The following GRIN3A variants were observed in gnomAD, a reference collection of about 807,000 sequenced individuals.
GRIN3A encodes glutamate ionotropic receptor NMDA type subunit 3A.
GRIN3A carries 47 observed loss-of-function variants against 92.4 expected under a neutral mutation model. The ratio of observed to expected loss-of-function variants is 0.51; its 90% CI spans 0.40 to 0.65. The LOEUF (loss-of-function observed/expected upper bound fraction) is 0.65. Ranked by LOEUF, GRIN3A falls within the 30% of genes least tolerant of loss-of-function variation. The probability of loss-of-function intolerance (pLI) is 0.00; values close to 1 mark genes in which losing one functional copy is unlikely to be tolerated. For missense variants in GRIN3A, 1,324 were observed against 1,393.1 expected (o/e 0.95, Z 0.79); for synonymous variants, 527 against 540.6 (o/e 0.97, Z 0.35).
At chr9:101,606,242 C>T (rs1828279906) in intron 6 of GRIN3A, among the ~76,000 whole-genome samples, 1 of 152,232 alleles carries the variant, frequency 6.6e-6, no homozygotes, top group Admixed American at 6.5e-5. Flanking sequence ...GGACATTCTT[C>T]TGCCCTTCCA....
chr9:101,592,201 A>G (rs1433841436), intron 6 of GRIN3A: 1 of 152,172 alleles, frequency 6.6e-6, no homozygotes, highest in Non-Finnish European at 1.5e-5. Flanking sequence ...AATTGTTCCC[A>G]TTGTTTTCTC....
rs540493017 is a variant in GRIN3A at position 101,658,760 on chromosome 9, G to GTCTGTCTATCTATCTA, written c.2352+11299_2352+11300insTAGATAGATAGACAGA. 1.5e-3 allele frequency among the ~76,000 whole-genome samples: 229 copies of GTCTGTCTATCTATCTA among 151,452 alleles called. 1 individual carries two copies. The highest frequency in any genetic ancestry group is 5.3e-3 in the African/African-American group (221 of 41,326). On this transcript the variant is annotated intron_variant, in intron 3 of 8. Transcript: ENST00000361820. ...TATTTGTCTATCTATCTGTCTATCT[G>GTCTGTCTATCTATCTA]TCTATCTATCTATCTATCTATGTAT...
chr9:101,664,030 A>T (rs532822277), intron 3 of GRIN3A, among the ~76,000 whole-genome samples: 35 of 152,024 alleles, frequency 2.3e-4, no homozygotes, highest in African/African-American at 7.7e-4. Flanking sequence ...TTTATTTTCC[A>T]GTGAACTTTA....
intron 5 of GRIN3A, among the ~76,000 whole-genome samples, chr9:101,616,733 G>T (rs1422085220): frequency 8.7e-6 from 1 of 114,338 alleles, no homozygotes; most frequent in Non-Finnish European, 1.7e-5. Flanking sequence ...ACACTCTGGG[G>T]ACTGTGGTGG....
At chr9:101,654,297 CT>C (rs1829054470) in intron 3 of GRIN3A, among the ~76,000 whole-genome samples, 2 of 148,342 alleles carry the variant, frequency 1.3e-5, no homozygotes, top group African/African-American at 5.0e-5. Flanking sequence ...ATATATATAC[CT>C]ATGCACACAC....
In GRIN3A at chr9:101,683,260, G is replaced by A. The variant is rs181776037; in HGVS notation, c.1304+3336C>T. Among the ~76,000 whole-genome samples the A allele has an allele frequency of 3.3e-5, 5 of 152,254 alleles. No individual in the cohort carries two copies. In the East Asian group the frequency reaches 9.6e-4, roughly 29 times the overall value. ...TTTTAAGATGTTAACAGTTCTGTCA[G>A]CCCAAACTGAAAATGACTGTGTGAG... On this transcript the variant is annotated intron_variant, in intron 2 of 8. Coordinates refer to ENST00000361820, the MANE Select transcript of GRIN3A (RefSeq NM_133445.3).
At chr9:101,624,846 A>G (rs895387776) in intron 4 of GRIN3A, among the ~76,000 whole-genome samples, 1 of 152,204 alleles carries the variant, frequency 6.6e-6, no homozygotes, top group Non-Finnish European at 1.5e-5. Context: ...CAAAACCACA[A>G]TGAGATACCA....
chr9:101,616,913 C>G (rs1054046274), intron 5 of GRIN3A, among the ~76,000 whole-genome samples: 1 of 132,802 alleles, frequency 7.5e-6, no homozygotes, highest in African/African-American at 2.7e-5. Flanking sequence ...AAAAAAGGAA[C>G]AAAAGGGCCG....
At chr9:101,639,066 A>G (rs1357198254) in intron 3 of GRIN3A, among the ~76,000 whole-genome samples, 1 of 152,214 alleles carries the variant, frequency 6.6e-6, no homozygotes, top group East Asian at 1.9e-4. Context: ...CAGTTCATGC[A>G]TGAGTGAAAT....
At chr9:101,718,676 C>A (rs187436970) in intron 1 of GRIN3A, among the ~76,000 whole-genome samples, 1 of 152,158 alleles carries the variant, frequency 6.6e-6, no homozygotes, top group Non-Finnish European at 1.5e-5. Context: ...TAGTGAGAAA[C>A]TTAATTCCTT....
At position 101,702,453 on chromosome 9, in the gene GRIN3A, T is replaced by A. The variant is rs567814964; in HGVS notation, c.700-15253A>T. ...AGTGTACATATGACTCACCTCTACATACCTTTCAGCACAGTTGTTCACTCC... is the reference window on the plus strand; with the variant it reads ...AGTGTACATATGACTCACCTCTACAAACCTTTCAGCACAGTTGTTCACTCC... On this transcript the variant is annotated intron_variant, in intron 1 of 8. Coordinates refer to ENST00000361820, the MANE Select transcript of GRIN3A (RefSeq NM_133445.3). Among the ~76,000 whole-genome samples the A allele has an allele frequency of 6.6e-5, 10 of 152,338 alleles. No homozygotes were observed. In the South Asian group the frequency reaches 1.7e-3, roughly 25 times the overall value.
intron 6 of GRIN3A, among the ~76,000 whole-genome samples, chr9:101,612,352 G>A (rs1271305677): frequency 1.3e-5 from 2 of 152,208 alleles, no homozygotes; most frequent in Non-Finnish European, 1.5e-5. Context: ...TAACTAGATG[G>A]CCAGAGGAGC....
chr9:101,573,525 A>G lies in GRIN3A; in HGVS notation c.3009-12T>C. ...GTCCCACATTAGACCTAGGAAACAGAGAAATTTTAGATTTACTTTCCATTC... is the reference window on the plus strand; with the variant it reads ...GTCCCACATTAGACCTAGGAAACAGGGAAATTTTAGATTTACTTTCCATTC... On this transcript the variant is annotated splice_polypyrimidine_tract_variant and intron_variant, in intron 8 of 8. Transcript: ENST00000361820. 9 of 1,599,754 alleles carry G rather than the reference A, an allele frequency of 5.6e-6. No individual in the cohort carries two copies. Among genetic ancestry groups the G allele is most frequent in the Non-Finnish European group, 7.7e-6 (9 of 1,167,136 alleles).
chr9:101,737,598 G>A lies in GRIN3A; in HGVS notation c.382C>T (p.Leu128Phe). Residue 128 changes from leucine (L) to phenylalanine (F), a missense_variant, in exon 1 of 9, where the codon CTC becomes TTC. Transcript: ENST00000361820. Reference sequence around the variant, plus strand: ...TTCAGGTTGTCCACGGCAAATAGGAGGGCGTCCCGTGGCCACAGGGCCTCC... The same window carrying A: ...TTCAGGTTGTCCACGGCAAATAGGAAGGCGTCCCGTGGCCACAGGGCCTCC... ...RAEALWPRDA[L>F]LFAVDNLNRV... 6.2e-7 allele frequency: 1 copy of A among 1,613,852 alleles called. No homozygotes were observed.
chr9:101,603,524 T>C (rs1042873618), intron 6 of GRIN3A, among the ~76,000 whole-genome samples: 3 of 152,180 alleles, frequency 2.0e-5, no homozygotes, highest in African/African-American at 7.2e-5. Context: ...AATCCTGGTA[T>C]GTTGCTCCCA....
chr9:101,712,504 G>A (rs964990953), intron 1 of GRIN3A, among the ~76,000 whole-genome samples: 1 of 152,154 alleles, frequency 6.6e-6, no homozygotes, highest in South Asian at 2.1e-4. Flanking sequence ...GGGAAAGCCT[G>A]GATGGAAATG....
rs1028328345 is a variant in GRIN3A, at chr9:101,651,645, T to C, written c.2352+18415A>G. Reference sequence around the variant, plus strand: ...GTATGCAATAAATCCATTGTGTGTGTGTGTGTGTGTGTGTGTGTGTGTGGT... The same window carrying C: ...GTATGCAATAAATCCATTGTGTGTGCGTGTGTGTGTGTGTGTGTGTGTGGT... On this transcript the variant is annotated intron_variant, in intron 3 of 8. Transcript: ENST00000361820. 7.3e-5 allele frequency among the ~76,000 whole-genome samples: 11 copies of C among 149,756 alleles called. No homozygotes were observed. The East Asian group carries it at 9.8e-4, about 13-fold the overall frequency.
At chr9:101,620,185 G>T (rs1407876) in intron 5 of GRIN3A, among the ~76,000 whole-genome samples, 79,365 of 151,968 alleles carry the variant, frequency 0.52, 21,032 homozygotes, top group African/African-American at 0.62. Flanking sequence ...TTTCTTATAG[G>T]TCTGGAGGCT....
chr9:101,689,887 GT>G (rs992122595), intron 1 of GRIN3A, among the ~76,000 whole-genome samples: 2 of 152,126 alleles, frequency 1.3e-5, no homozygotes, highest in Non-Finnish European at 2.9e-5. Flanking sequence ...AGGAAAATCT[GT>G]GTCTTACATA....
Sources: gnomAD v4.1 joint callset for allele counts (sites outside exome capture counted in the v4.1 genomes callset) on GRCh38, gnomAD v4.1.1 for gene constraint, MANE v1.5 for transcripts, NCBI Gene and HGNC (gene_info 2026-07-23, HGNC 2026-07-21) for gene names.